Variants in HECTD4 observed in about 807,000 individuals in gnomAD.
The protein encoded by HECTD4 is probable E3 ubiquitin-protein ligase HECTD4.
HECTD4 carries 114 observed loss-of-function variants against 471.5 expected under a neutral mutation model. The ratio of observed to expected loss-of-function variants is 0.24; its 90% CI spans 0.21 to 0.28. The LOEUF (loss-of-function observed/expected upper bound fraction) is 0.28. Ranked by LOEUF, HECTD4 falls within the 10% of genes least tolerant of loss-of-function variation. The pLI is 1.00. For missense variants in HECTD4, 3,866 were observed against 5,651.5 expected (o/e 0.68, Z 10.13); for synonymous variants, 2,012 against 2,256.0 (o/e 0.89, Z 3.07).
At chr12:112,171,335 G>A in intron 67 of HECTD4, 72 bp from the exon 68 acceptor site, 1 of 1,542,728 alleles carries the variant, frequency 6.5e-7, no homozygotes, top group Non-Finnish European at 8.7e-7. Flanking sequence ...AGGCAACACA[G>A]GCAACCCTAT....
chr12:112,346,097 G>A (rs1371773932), intron 1 of HECTD4, among the ~76,000 whole-genome samples: 3 of 152,150 alleles, frequency 2.0e-5, no homozygotes, highest in Non-Finnish European at 2.9e-5. Flanking sequence ...TAAGGAGTGC[G>A]ACTGCCCCAT....
rs975570401 is a variant in HECTD4 at position 112,313,645 on chromosome 12, G to A, written c.786-498C>T. 4.0e-5 allele frequency among the ~76,000 whole-genome samples: 6 copies of A among 151,706 alleles called. No homozygotes were observed. In the South Asian group the frequency reaches 8.3e-4, roughly 21 times the overall value. ...TGGGACTACAGGGGCTCACCATCACGCCCGGCTAATTTTTTGGTATTTTTA... is the reference window on the plus strand; with the variant it reads ...TGGGACTACAGGGGCTCACCATCACACCCGGCTAATTTTTTGGTATTTTTA... On this transcript the variant is annotated intron_variant, in intron 3 of 75. Coordinates refer to ENST00000682272, the MANE Select transcript of HECTD4 (RefSeq NM_001388303.1).
In HECTD4 at chr12:112,169,666, G is replaced by A. The variant is rs1174687635; in HGVS notation, c.12053-8C>T. ...CAGAAGCTCTGATTTCCCCTGGAAA[G>A]TGAGATGAGCTGATCAAAGCACCCC... On this transcript the variant is annotated splice_polypyrimidine_tract_variant and splice_region_variant and intron_variant, in intron 69 of 75. Transcript: ENST00000682272. 1.9e-6 allele frequency: 3 copies of A among 1,612,660 alleles called. No homozygotes were observed. The highest frequency in any genetic ancestry group is 2.5e-6 in the Non-Finnish European group (3 of 1,179,872).
At chr12:112,352,579 G>A (rs1217655010) in intron 1 of HECTD4, among the ~76,000 whole-genome samples, 5 of 150,992 alleles carry the variant, frequency 3.3e-5, no homozygotes, top group African/African-American at 1.2e-4. Context: ...CAGGTGATCT[G>A]CCCACCTCAG....
intron 61 of HECTD4, among the ~76,000 whole-genome samples, chr12:112,183,778 T>G (rs911928240): frequency 6.6e-6 from 1 of 152,200 alleles, no homozygotes; most frequent in Non-Finnish European, 1.5e-5. Context: ...CTCACTAGCA[T>G]GCAGGTCATC....
chr12:112,263,816 T>C (rs1041732430), intron 17 of HECTD4, among the ~76,000 whole-genome samples: 18 of 151,854 alleles, frequency 1.2e-4, no homozygotes, highest in African/African-American at 4.4e-4. Flanking sequence ...GTAAGTGCCA[T>C]ATTTTATAGT....
At chr12:112,363,706 G>A (rs193131078) in intron 1 of HECTD4, among the ~76,000 whole-genome samples, 14 of 152,246 alleles carry the variant, frequency 9.2e-5, no homozygotes, top group East Asian at 3.9e-4. Context: ...GCCAGGTACA[G>A]TGGCTCAGGC....
At chr12:112,224,129 T>C (rs1245048636) in intron 44 of HECTD4, among the ~76,000 whole-genome samples, 1 of 152,184 alleles carries the variant, frequency 6.6e-6, no homozygotes, top group Non-Finnish European at 1.5e-5. Flanking sequence ...AATCTACCAC[T>C]GTTCTGCAAA....
intron 54 of HECTD4, 192 bp from the exon 55 acceptor site, chr12:112,200,990 T>G (rs770114136): frequency 6.6e-6 from 4 of 609,372 alleles, no homozygotes; most frequent in Non-Finnish European, 1.2e-5. Context: ...GAATTCACAA[T>G]ACATTTTTGA....
chr12:112,357,671 A>C (rs1346901770), intron 1 of HECTD4, among the ~76,000 whole-genome samples: 2 of 152,250 alleles, frequency 1.3e-5, no homozygotes, highest in Non-Finnish European at 2.9e-5. Flanking sequence ...AAAGCAAAGA[A>C]GTATGTAATA....
At chr12:112,360,127 A>G (rs2036422089) in intron 1 of HECTD4, among the ~76,000 whole-genome samples, 2 of 152,232 alleles carry the variant, frequency 1.3e-5, no homozygotes, top group Admixed American at 1.3e-4. Context: ...GAGTATTTCT[A>G]GAAAGTATCT....
At chr12:112,370,760 T>G (rs1451171202) in intron 1 of HECTD4, among the ~76,000 whole-genome samples, 1 of 152,204 alleles carries the variant, frequency 6.6e-6, no homozygotes, top group Admixed American at 6.5e-5. Flanking sequence ...TTGTCAAGAA[T>G]GTATTCATGT....
At chr12:112,363,058 T>A (rs1758666800) in intron 1 of HECTD4, among the ~76,000 whole-genome samples, 1 of 152,110 alleles carries the variant, frequency 6.6e-6, no homozygotes, top group African/African-American at 2.4e-5. Flanking sequence ...ACATTTTAAT[T>A]TTTTTAAATT....
intron 48 of HECTD4, among the ~76,000 whole-genome samples, chr12:112,214,026 A>G (rs1445054367): frequency 6.6e-6 from 1 of 152,046 alleles, no homozygotes; most frequent in Admixed American, 6.6e-5. Flanking sequence ...AGTCTCAAAA[A>G]AAATAAAAAA....
intron 67 of HECTD4, 140 bp from the exon 68 acceptor site, chr12:112,171,403 G>A: frequency 7.3e-7 from 1 of 1,373,308 alleles, no homozygotes; most frequent in East Asian, 2.5e-5. Flanking sequence ...CTGTCAGTGA[G>A]TGAGCGGCCC....
rs760001198 is a variant in HECTD4, at chr12:112,162,359, G to A, written c.*28C>T. 1 of 1,613,548 alleles carries A rather than the reference G, an allele frequency of 6.2e-7. No individual in the cohort carries two copies. The highest frequency in any genetic ancestry group is 8.5e-7 in the Non-Finnish European group (1 of 1,179,746). On this transcript the variant is annotated 3_prime_UTR_variant, in exon 76 of 76. Coordinates refer to ENST00000682272, the MANE Select transcript of HECTD4 (RefSeq NM_001388303.1). This position sits in a 1 kb window ranked among gnomAD's most constrained non-coding sequence, Gnocchi z 5.2. ...AAGCCAGCAGAGTGGGTGCCTCAGT[G>A]ACAGCCTAATTCTGGGGCTCCCTCC...
intron 25 of HECTD4, 66 bp from the exon 26 acceptor site, chr12:112,248,578 T>C (rs577599576): frequency 1.9e-6 from 2 of 1,027,766 alleles, no homozygotes; most frequent in East Asian, 2.8e-5. Context: ...CTGTATTTTA[T>C]TTTTATTTTT....
chr12:112,261,433 G>C lies in HECTD4; in HGVS notation c.2749-4C>G, dbSNP rs1421876838. 1 of 1,594,030 alleles carries C rather than the reference G, an allele frequency of 6.3e-7. No homozygotes were observed. Among genetic ancestry groups the C allele is most frequent in the South Asian group, 1.1e-5 (1 of 89,752 alleles). Reference sequence around the variant, plus strand: ...CCAAAATACTGACTTTTAGCTCCTAGGCAGAAAATATCATCATATTATTTT... The same window carrying C: ...CCAAAATACTGACTTTTAGCTCCTACGCAGAAAATATCATCATATTATTTT... On this transcript the variant is annotated splice_region_variant and splice_polypyrimidine_tract_variant and intron_variant, in intron 17 of 75. Coordinates refer to ENST00000682272, the MANE Select transcript of HECTD4 (RefSeq NM_001388303.1).
At chr12:112,320,789 C>T (rs1399158466) in intron 1 of HECTD4, among the ~76,000 whole-genome samples, 5 of 152,080 alleles carry the variant, frequency 3.3e-5, no homozygotes, top group African/African-American at 1.2e-4. Context: ...TCTTCAAAAC[C>T]TAATATATAT....
Sources: gnomAD v4.1 joint callset for allele counts (sites outside exome capture counted in the v4.1 genomes callset) on GRCh38, gnomAD v4.1.1 for gene constraint, Gnocchi (gnomAD v3.1) non-coding constraint, MANE v1.5 for transcripts, NCBI Gene and HGNC (gene_info 2026-07-23, HGNC 2026-07-21) for gene names.